Variants in BABAM2 observed in about 807,000 individuals in gnomAD.
BABAM2 encodes the protein BRISC and BRCA1-A complex member 2.
In BABAM2, 31 loss-of-function variants were observed where a neutral mutation model predicts 54.7. The ratio of observed to expected loss-of-function variants is 0.57; its 90% confidence interval spans 0.43 to 0.77. The LOEUF is 0.77. Ranked by LOEUF, BABAM2 falls within the 30% of genes least tolerant of loss-of-function variation. The probability of loss-of-function intolerance (pLI) is 0.00; values close to 1 mark genes in which losing one functional copy is unlikely to be tolerated. For synonymous variants in BABAM2, 167 were observed against 162.9 expected, an observed-to-expected ratio of 1.03 and a Z score of -0.19; for missense variants, 364 against 455.8, an observed-to-expected ratio of 0.80 and a Z score of 1.83.
intron 7 of BABAM2, among the ~76,000 whole-genome samples, chr2:28,151,261 A>G (rs1489648096): frequency 2.0e-5 from 3 of 152,186 alleles, no homozygotes; most frequent in African/African-American, 4.8e-5. Flanking sequence ...CTCTTGAGGC[A>G]TTGAATACCT....
At chr2:27,955,981 G>GT (rs11390343) in intron 3 of BABAM2, among the ~76,000 whole-genome samples, 109,637 of 149,498 alleles carry the variant, frequency 0.73, 41,117 homozygotes, top group Middle Eastern at 0.88. Context: ...TTGGCAACAT[G>GT]TTTTTTTTTT....
intron 3 of BABAM2, among the ~76,000 whole-genome samples, chr2:27,958,679 A>G (rs1190780580): frequency 3.9e-5 from 6 of 152,008 alleles, no homozygotes; most frequent in African/African-American, 1.4e-4. Context: ...CTTGGTGGAA[A>G]GTATTGAAGA....
chr2:27,937,444 G>T (rs1426308282), intron 3 of BABAM2, among the ~76,000 whole-genome samples: 2 of 152,146 alleles, frequency 1.3e-5, no homozygotes, highest in Non-Finnish European at 1.5e-5. Flanking sequence ...GAATATTTTT[G>T]ATCAACTGGT....
In BABAM2 at chr2:27,963,488, A is replaced by G. The variant is rs112961967; in HGVS notation, c.206-24505A>G. On this transcript the variant is annotated intron_variant, in intron 3 of 11. Coordinates refer to ENST00000379624, the MANE Select transcript of BABAM2 (RefSeq NM_199191.3). ...CTTTCTCAAAAAAAAAAAAAAAAAA[A>G]AAAAAGAAAAAGAAAAGAAGGAAGG... 6.8e-4 allele frequency among the ~76,000 whole-genome samples: 103 copies of G among 151,364 alleles called. 1 individual carries two copies. In the East Asian group the frequency reaches 0.011, roughly 17 times the overall value.
At chr2:27,956,928 G>A (rs868277645) in intron 3 of BABAM2, among the ~76,000 whole-genome samples, 2 of 152,274 alleles carry the variant, frequency 1.3e-5, no homozygotes, top group Middle Eastern at 3.4e-3. Flanking sequence ...AATTTTAGCA[G>A]AGCTTTTGAT....
At position 27,908,907 on chromosome 2, in the gene BABAM2, T is replaced by C. The variant is rs968547039; in HGVS notation, c.128+14223T>C. Reference sequence around the variant, plus strand: ...ACATCCTCCTCAACACCAACACTTATTACTTTCTGTTTTTCTTTGTTTTTG... The same window carrying C: ...ACATCCTCCTCAACACCAACACTTACTACTTTCTGTTTTTCTTTGTTTTTG... On this transcript the variant is annotated intron_variant, in intron 2 of 11. Coordinates refer to ENST00000379624, the MANE Select transcript of BABAM2 (RefSeq NM_199191.3). Among the ~76,000 whole-genome samples the C allele has an allele frequency of 3.9e-5, 6 of 152,204 alleles. No individual in the cohort carries two copies. In the East Asian group the frequency reaches 5.8e-4, roughly 15 times the overall value.
intron 7 of BABAM2, among the ~76,000 whole-genome samples, chr2:28,140,023 T>G (rs1252023789): frequency 6.6e-6 from 1 of 152,118 alleles, no homozygotes; most frequent in Non-Finnish European, 1.5e-5. Context: ...ATAAACAGAG[T>G]TTATTACTTT....
intron 3 of BABAM2, among the ~76,000 whole-genome samples, chr2:27,985,057 A>ATGTGTG (rs35552031): frequency 0.062 from 8,545 of 137,368 alleles, 400 homozygotes; most frequent in Admixed American, 0.17. Flanking sequence ...GTATTCCATG[A>ATGTGTG]TGTGTGTGTG....
At chr2:27,928,241 C>T (rs987667539) in intron 2 of BABAM2, among the ~76,000 whole-genome samples, 8 of 152,250 alleles carry the variant, frequency 5.3e-5, no homozygotes, top group Admixed American at 2.0e-4. Flanking sequence ...GTCTCCATCT[C>T]GTGACCTCGT....
chr2:28,194,934 G>A (rs996102141), intron 7 of BABAM2, among the ~76,000 whole-genome samples: 1 of 152,122 alleles, frequency 6.6e-6, no homozygotes, highest in African/African-American at 2.4e-5. Flanking sequence ...GGCATCACGT[G>A]ATCCACCTGC....
intron 6 of BABAM2, among the ~76,000 whole-genome samples, chr2:28,088,435 C>G (rs960237263): frequency 1.8e-4 from 28 of 152,172 alleles, no homozygotes; most frequent in African/African-American, 6.5e-4. Flanking sequence ...CTTAGGATCC[C>G]TTGCCTAACC....
At chr2:27,977,790 A>G (rs757518450) in intron 3 of BABAM2, among the ~76,000 whole-genome samples, 1 of 152,180 alleles carries the variant, frequency 6.6e-6, no homozygotes, top group Admixed American at 6.5e-5. Flanking sequence ...GATGAGGAAT[A>G]GTGAAGGAGA....
At chr2:27,994,495 A>T (rs1192027756) in intron 4 of BABAM2, among the ~76,000 whole-genome samples, 1 of 152,234 alleles carries the variant, frequency 6.6e-6, no homozygotes, top group Non-Finnish European at 1.5e-5. Flanking sequence ...CTTGCCTCAG[A>T]GTAAACACTA....
chr2:28,008,885 T>C (rs530539823), intron 4 of BABAM2, among the ~76,000 whole-genome samples: 1 of 152,246 alleles, frequency 6.6e-6, no homozygotes, highest in African/African-American at 2.4e-5. Context: ...GAAGATGTTC[T>C]TCCCCCCTGG....
intron 6 of BABAM2, among the ~76,000 whole-genome samples, chr2:28,091,214 A>G (rs189924488): frequency 7.2e-5 from 11 of 152,332 alleles, no homozygotes; most frequent in Admixed American, 3.3e-4. Flanking sequence ...CCTTATGCCA[A>G]TCAGTACTGT....
At chr2:28,242,043 G>T (rs1344991489) in intron 9 of BABAM2, among the ~76,000 whole-genome samples, 1 of 151,976 alleles carries the variant, frequency 6.6e-6, no homozygotes, top group African/African-American at 2.4e-5. Context: ...CAGTAGCCAT[G>T]GGGTGAACCA....
At position 28,267,438 on chromosome 2, in the gene BABAM2, TACAC is replaced by T. The variant is rs35450423; in HGVS notation, c.934+22601_934+22604del. On this transcript the variant is annotated intron_variant, in intron 10 of 11. Coordinates refer to ENST00000379624, the MANE Select transcript of BABAM2 (RefSeq NM_199191.3). ...TACACTGACTAGACACACACACACA[TACAC>T]ACACACACACACACACACACACACT... Among the ~76,000 whole-genome samples, 424 of 141,810 alleles carry T rather than the reference TACAC, an allele frequency of 3.0e-3. 1 individual carries two copies. Among genetic ancestry groups the T allele is most frequent in the African/African-American group, 3.6e-3 (133 of 37,036 alleles). 93.0% of individuals were successfully genotyped at this position (141,810 alleles called of 152,430 possible).
chr2:28,239,223 A>T (rs1327046886), intron 8 of BABAM2, among the ~76,000 whole-genome samples: 1 of 152,272 alleles, frequency 6.6e-6, no homozygotes, highest in Non-Finnish European at 1.5e-5. Context: ...TTATAAATTG[A>T]CATAAACCCC....
intron 10 of BABAM2, among the ~76,000 whole-genome samples, chr2:28,249,973 A>G (rs1220144010): frequency 8.5e-5 from 13 of 152,228 alleles, no homozygotes; most frequent in Admixed American, 3.3e-4. Flanking sequence ...AAAACAGACA[A>G]TAAAGACATA....
Sources: gnomAD v4.1 joint callset for allele counts (sites outside exome capture counted in the v4.1 genomes callset) on GRCh38, gnomAD v4.1.1 for gene constraint, MANE v1.5 for transcripts, NCBI Gene and HGNC (gene_info 2026-07-23, HGNC 2026-07-21) for gene names.